Variants in PLPP1 observed in about 807,000 individuals in gnomAD.
PLPP1 encodes the protein phospholipid phosphatase 1.
In PLPP1, 24 loss-of-function variants were observed where a neutral mutation model predicts 31.2. The observed-to-expected ratio is 0.77, with a 90% confidence interval of 0.56 to 1.08. PLPP1 has a LOEUF of 1.08. PLPP1 is among the 50% of genes least tolerant of loss of function. The probability of loss-of-function intolerance (pLI) is 0.00; values close to 1 mark genes in which losing one functional copy is unlikely to be tolerated. For synonymous variants in PLPP1, 146 were observed against 126.3 expected (o/e 1.16, Z -1.05); for missense variants, 319 against 342.7 (o/e 0.93, Z 0.55).
In PLPP1 at chr5:55,531,092, T is replaced by C. The variant is rs543191069; in HGVS notation, c.58+3480A>G. On this transcript the variant is annotated intron_variant, in intron 1 of 5. Coordinates refer to ENST00000307259, the MANE Select transcript of PLPP1 (RefSeq NM_003711.4). ...TGTTCTATAGTCACAGAACCAGTCA[T>C]AAAAAGAGCCAAAGACAGATGGCAA... 6.6e-5 allele frequency among the ~76,000 whole-genome samples: 10 copies of C among 152,320 alleles called. No individual in the cohort carries two copies. The South Asian group carries it at 2.1e-3, about 32-fold the overall frequency.
At chr5:55,431,672 C>A (rs1285658099) in intron 4 of PLPP1, among the ~76,000 whole-genome samples, 1 of 152,038 alleles carries the variant, frequency 6.6e-6, no homozygotes, top group East Asian at 1.9e-4. Flanking sequence ...AGAAAGATTT[C>A]AAGTAAATAA....
chr5:55,448,868 G>A (rs909860161), intron 3 of PLPP1, among the ~76,000 whole-genome samples: 2 of 152,124 alleles, frequency 1.3e-5, no homozygotes, highest in Non-Finnish European at 2.9e-5. Flanking sequence ...AAATGACACA[G>A]TATTTGCATA....
intron 1 of PLPP1, among the ~76,000 whole-genome samples, chr5:55,480,648 T>C (rs1372705842): frequency 6.6e-6 from 1 of 152,208 alleles, no homozygotes; most frequent in African/African-American, 2.4e-5. Context: ...ATGAATAGTA[T>C]TCAGTTGTAT....
At chr5:55,440,724 G>A (rs1751603182) in intron 4 of PLPP1, among the ~76,000 whole-genome samples, 1 of 152,164 alleles carries the variant, frequency 6.6e-6, no homozygotes, top group South Asian at 2.1e-4. Flanking sequence ...TTAATGTTTG[G>A]AATTTGTTTT....
intron 4 of PLPP1, among the ~76,000 whole-genome samples, chr5:55,439,463 G>A (rs1751570928): frequency 6.6e-6 from 1 of 152,196 alleles, no homozygotes; most frequent in African/African-American, 2.4e-5. Flanking sequence ...AATCTGCAGT[G>A]ACTCTGAGGG....
chr5:55,425,529 C>T (rs1174155166), intron 5 of PLPP1, 195 bp from the exon 6 acceptor site: 2 of 516,418 alleles, frequency 3.9e-6, no homozygotes, highest in Admixed American at 7.8e-5. Flanking sequence ...TTTGTTATGC[C>T]TTCAGCAAAT....
At chr5:55,482,130 T>C (rs1297069246) in intron 1 of PLPP1, among the ~76,000 whole-genome samples, 3 of 148,246 alleles carry the variant, frequency 2.0e-5, no homozygotes, top group African/African-American at 7.4e-5. Flanking sequence ...AAATTTTATA[T>C]ATTTATATTT....
intron 3 of PLPP1, among the ~76,000 whole-genome samples, chr5:55,445,052 G>A (rs993867450): frequency 3.9e-5 from 6 of 151,956 alleles, no homozygotes; most frequent in Non-Finnish European, 8.8e-5. Context: ...GCCTAGCCTG[G>A]GATTCTATTT....
rs1752341653 is a variant in PLPP1 at position 55,468,026 on chromosome 5, T to G, written c.334A>C (p.Ser112Arg). 6.2e-7 allele frequency: 1 copy of G among 1,614,174 alleles called. No individual in the cohort carries two copies. Reference protein sequence around the residue: ...IGTFLFGAAASQSLTDIAKYS... With the variant: ...IGTFLFGAAARQSLTDIAKYS... ...TTGGCAATGTCAGTCAGGGACTGAC[T>G]AGCAGCTGCACCAAATAAAAAGGTT... The change falls in exon 3 of 6, where the codon AGT becomes CGT. Residue 112 changes from serine to arginine, a missense_variant. Transcript: ENST00000307259.
At chr5:55,433,318 A>G (rs1218327811) in intron 4 of PLPP1, among the ~76,000 whole-genome samples, 1 of 148,820 alleles carries the variant, frequency 6.7e-6, no homozygotes, top group African/African-American at 2.5e-5. Context: ...AGGGAGACCC[A>G]GTCTCGAAAA....
chr5:55,458,099 C>T (rs1307331458), intron 3 of PLPP1, among the ~76,000 whole-genome samples: 1 of 152,146 alleles, frequency 6.6e-6, no homozygotes, highest in East Asian at 1.9e-4. Flanking sequence ...CACCCTGATA[C>T]TGAAGTCCCA....
intron 1 of PLPP1, among the ~76,000 whole-genome samples, chr5:55,517,898 AGTGCAGTG>A (rs1753585297): frequency 6.6e-6 from 1 of 152,216 alleles, no homozygotes; most frequent in African/African-American, 2.4e-5. Flanking sequence ...CCCAGGCTGG[AGTGCAGTG>A]GCGCAATCTC....
At chr5:55,438,334 T>G (rs1751542997) in intron 4 of PLPP1, among the ~76,000 whole-genome samples, 1 of 152,216 alleles carries the variant, frequency 6.6e-6, no homozygotes, top group Non-Finnish European at 1.5e-5. Flanking sequence ...TCACTGATGC[T>G]GACACTCTCT....
intron 1 of PLPP1, among the ~76,000 whole-genome samples, chr5:55,515,081 C>T (rs1561254227): frequency 6.6e-6 from 1 of 152,216 alleles, no homozygotes; most frequent in Non-Finnish European, 1.5e-5. Flanking sequence ...ACTAAATAAT[C>T]AACTGTGCGA....
chr5:55,485,562 T>C (rs1047927705), intron 1 of PLPP1, among the ~76,000 whole-genome samples: 5 of 150,906 alleles, frequency 3.3e-5, no homozygotes, highest in Admixed American at 2.7e-4. Context: ...AATGGGTATA[T>C]AGTTAAGGCA....
In PLPP1 at chr5:55,440,873, G is replaced by A. The variant is rs138837732; in HGVS notation, c.549+978C>T. Among the ~76,000 whole-genome samples the A allele has an allele frequency of 2.3e-4, 35 of 152,018 alleles. No homozygotes were observed. The East Asian group carries it at 5.8e-3, about 25-fold the overall frequency. On this transcript the variant is annotated intron_variant, in intron 4 of 5. Transcript: ENST00000307259. ...TCATACGGCACTTAATGTGATCAAA[G>A]GGAAAAACACAGGAAATGACAAATT...
At chr5:55,457,698 G>C (rs1038613609) in intron 3 of PLPP1, among the ~76,000 whole-genome samples, 1 of 152,092 alleles carries the variant, frequency 6.6e-6, no homozygotes, top group African/African-American at 2.4e-5. Context: ...AGACCAGCCT[G>C]GCCAATATGG....
At chr5:55,454,795 C>T (rs1206426604) in intron 3 of PLPP1, among the ~76,000 whole-genome samples, 1 of 152,182 alleles carries the variant, frequency 6.6e-6, no homozygotes, top group African/African-American at 2.4e-5. Context: ...TAGTTACTGA[C>T]ATACATATGC....
chr5:55,473,652 C>G (rs1002201424), intron 2 of PLPP1, among the ~76,000 whole-genome samples: 18 of 151,656 alleles, frequency 1.2e-4, no homozygotes, highest in African/African-American at 4.1e-4. Context: ...AAAAAAAAAT[C>G]TGTGTGTGTG....
Sources: gnomAD v4.1 joint callset for allele counts (sites outside exome capture counted in the v4.1 genomes callset) on GRCh38, gnomAD v4.1.1 for gene constraint, MANE v1.5 for transcripts, NCBI Gene and HGNC (gene_info 2026-07-23, HGNC 2026-07-21) for gene names.